Variants in GCN1 observed in about 807,000 individuals in gnomAD.
GCN1 encodes GCN1 activator of EIF2AK4.
GCN1 carries 90 observed loss-of-function variants against 288.4 expected under a neutral mutation model. The ratio of observed to expected loss-of-function variants is 0.31; its 90% CI spans 0.26 to 0.37. The LOEUF (loss-of-function observed/expected upper bound fraction) is 0.37, where lower values mean the gene tolerates loss of function less well. Among genes scored for constraint, GCN1 ranks in the 10% least tolerant of loss-of-function variants. GCN1 has a pLI of 1.00. For missense variants in GCN1, 2,586 were observed against 3,419.9 expected, an observed-to-expected ratio of 0.76 and a Z score of 6.08; for synonymous variants, 1,386 against 1,420.2, an observed-to-expected ratio of 0.98 and a Z score of 0.54.
At chr12:120,141,078 AGAG>A (rs1877176110) in intron 44 of GCN1, 55 bp from the exon 45 acceptor site, 3 of 1,491,688 alleles carry the variant, frequency 2.0e-6, no homozygotes, top group African/African-American at 1.4e-5. Flanking sequence ...CAGGGCACCC[AGAG>A]GAGGACTCCA....
chr12:120,154,949 G>A (rs200134728), intron 31 of GCN1, 21 bp downstream of exon 31: 9 of 1,598,220 alleles, frequency 5.6e-6, no homozygotes, highest in East Asian at 2.2e-5. Context: ...GGAGTAGAAC[G>A]AGGCTGAACA....
At chr12:120,169,629 G>A (rs1220698814) in intron 15 of GCN1, among the ~76,000 whole-genome samples, 2 of 152,002 alleles carry the variant, frequency 1.3e-5, no homozygotes, top group African/African-American at 2.4e-5. Context: ...TCAGCCTCCC[G>A]AGTAGCTGAG....
rs2139113719 is a variant in GCN1, at chr12:120,160,268, G to A, written c.2437-13C>T. The A allele has an allele frequency of 2.5e-6, 4 of 1,577,690 alleles. No homozygotes were observed. The East Asian group carries it at 9.0e-5, about 35-fold the overall frequency. On this transcript the variant is annotated splice_polypyrimidine_tract_variant and intron_variant, in intron 22 of 57. Coordinates refer to ENST00000300648, the MANE Select transcript of GCN1 (RefSeq NM_006836.2). Reference sequence around the variant, plus strand: ...TCTTCTTTATCTCCTAAAGAGGATGGGCAAACCAACCAATCCCATCTCCAG... The same window carrying A: ...TCTTCTTTATCTCCTAAAGAGGATGAGCAAACCAACCAATCCCATCTCCAG...
Position 120,153,479 on chromosome 12 carries a change from T to G in GCN1, c.3868-72A>C. ...CATCTGGGGACAACAGTCCCTGCCCTGAGGACCAAGACCAAGTCTAGCTCT... is the reference window on the plus strand; with the variant it reads ...CATCTGGGGACAACAGTCCCTGCCCGGAGGACCAAGACCAAGTCTAGCTCT... On this transcript the variant is annotated intron_variant, in intron 32 of 57. Transcript: ENST00000300648. This position sits in a 1 kb window ranked among gnomAD's most constrained non-coding sequence, Gnocchi z 4.4. The G allele has an allele frequency of 7.3e-7, 1 of 1,372,302 alleles. No homozygotes were observed. The highest frequency in any genetic ancestry group is 1.4e-5 in the African/African-American group (1 of 70,338). The allele number at this position is 1,372,302 out of a possible 1,614,324, so 85.0% of individuals were successfully genotyped here. A position where few individuals can be genotyped will look rare whatever the true frequency, so the allele number is the denominator to read the frequency against.
Position 120,137,744 on chromosome 12 carries a change from T to A in GCN1, c.6464A>T (p.Asp2155Val), listed in dbSNP as rs1255577489. 2.5e-6 allele frequency: 4 copies of A among 1,614,072 alleles called. No homozygotes were observed. Among genetic ancestry groups the A allele is most frequent in the Non-Finnish European group, 2.5e-6 (3 of 1,179,970 alleles). Residue 2155 changes from aspartate (D) to valine (V), a missense_variant, in exon 49 of 58, where the codon GAT becomes GTT. Transcript: ENST00000300648. This position sits in a 1 kb window ranked among gnomAD's most constrained non-coding sequence, Gnocchi z 5.2. ...AGGGCTGCGGGTGGCCTCCAGCAGA[T>A]CCTCGATGATGATCCGGTGCCCTGT... ...DDTGHRIIIEDLLEATRSPEV... is the reference protein window; with the variant it reads ...DDTGHRIIIEVLLEATRSPEV...
chr12:120,131,837 CCT>C (rs1297830558), intron 54 of GCN1, 87 bp downstream of exon 54: 1 of 811,078 alleles, frequency 1.2e-6, no homozygotes, highest in Non-Finnish European at 2.1e-6. Flanking sequence ...GCTAAAAGAT[CCT>C]CTGAGGGAGG....
rs1877745183 is a variant in GCN1 at position 120,156,332 on chromosome 12, G to A, written c.3312+129C>T. On this transcript the variant is annotated intron_variant, in intron 28 of 57. Transcript: ENST00000300648. The surrounding 1 kb of genome is among the most constrained non-coding windows in gnomAD (Gnocchi z 5.8). The stretch of plus-strand genomic sequence containing the variant: ...TGATTCTCAGAGAGACCCCAACCAT[G>A]TGACTTCTTCTCTTTGCCTCTAGGC... 2 of 837,372 alleles carry A rather than the reference G, an allele frequency of 2.4e-6. No homozygotes were observed. The highest frequency in any genetic ancestry group is 2.6e-5 in the East Asian group (1 of 38,910). 51.9% of individuals were successfully genotyped at this position (837,372 alleles called of 1,614,324 possible). A position where few individuals can be genotyped will look rare whatever the true frequency, so the allele number is the denominator to read the frequency against.
rs1041016113 is a variant in GCN1 at position 120,142,254 on chromosome 12, A to G, written c.5829+253T>C. ...GGCAGGAGAATGGCATGAACCTAGG[A>G]GGCGGAGCTTGCAGTGAGCTGAGAT... On this transcript the variant is annotated intron_variant, in intron 44 of 57. Coordinates refer to ENST00000300648, the MANE Select transcript of GCN1 (RefSeq NM_006836.2). The surrounding 1 kb of genome is among the most constrained non-coding windows in gnomAD (Gnocchi z 4.9). 7.2e-5 allele frequency among the ~76,000 whole-genome samples: 11 copies of G among 152,184 alleles called. No homozygotes were observed. The highest frequency in any genetic ancestry group is 2.7e-4 in the African/African-American group (11 of 41,450).
intron 2 of GCN1, among the ~76,000 whole-genome samples, chr12:120,186,943 G>C (rs1307818553): frequency 6.6e-6 from 1 of 152,234 alleles, no homozygotes; most frequent in Non-Finnish European, 1.5e-5. Flanking sequence ...TGACTGGAAA[G>C]ATCGGTATCA....
chr12:120,152,964 C>T (rs912008230), intron 33 of GCN1, among the ~76,000 whole-genome samples: 6 of 151,614 alleles, frequency 4.0e-5, no homozygotes, highest in African/African-American at 1.5e-4. Context: ...TCACTATAAA[C>T]CAGGTGAGTA....
intron 38 of GCN1, 95 bp downstream of exon 38, chr12:120,146,957 T>C (rs1275176149): frequency 1.5e-6 from 1 of 677,768 alleles, no homozygotes; most frequent in Non-Finnish European, 2.3e-6. Context: ...CTAACGTCCA[T>C]AACTTTCCAT....
intron 45 of GCN1, 176 bp from the exon 46 acceptor site, chr12:120,139,032 G>T (rs757372265): frequency 2.3e-5 from 12 of 516,254 alleles, no homozygotes; most frequent in Non-Finnish European, 3.7e-5. Context: ...AGAAGGGGCC[G>T]GGCACGGTGG....
Position 120,129,406 on chromosome 12 carries a change from G to A in GCN1, c.7760C>T (p.Pro2587Leu). The A allele has an allele frequency of 2.5e-6, 4 of 1,613,750 alleles. No homozygotes were observed. The highest frequency in any genetic ancestry group is 1.7e-4 in the Middle Eastern group (1 of 6,060). Reference protein sequence around the residue: ...ANKDPLPPLDPQAIKPILKAL... With the variant: ...ANKDPLPPLDLQAIKPILKAL... ...CTTCAGGATGGGCTTGATGGCCTGG[G>A]GGTCCAGGGGAGGCAGTGGGTCCTT... The change falls in exon 57 of 58, where the codon CCC (proline) becomes CTC (leucine). Residue 2587 changes from proline to leucine, a missense_variant. Physicochemically the swap from Pro to Leu is moderately conservative, Grantham distance 98. Coordinates refer to ENST00000300648, the MANE Select transcript of GCN1 (RefSeq NM_006836.2).
intron 1 of GCN1, among the ~76,000 whole-genome samples, chr12:120,191,607 T>TA (rs1879006439): frequency 6.6e-6 from 1 of 152,224 alleles, no homozygotes; most frequent in Non-Finnish European, 1.5e-5. Flanking sequence ...TTTTCGTGCT[T>TA]AAATCCCTGC....
intron 47 of GCN1, 62 bp downstream of exon 47, chr12:120,138,261 G>T: frequency 8.9e-7 from 1 of 1,117,866 alleles, no homozygotes. Flanking sequence ...GGTCTTCACT[G>T]CAGGCCCTGG....
At position 120,151,150 on chromosome 12, in the gene GCN1, C is replaced by T; in HGVS notation, c.4304G>A (p.Arg1435Gln). 1 of 1,613,050 alleles carries T rather than the reference C, an allele frequency of 6.2e-7. No homozygotes were observed. The highest frequency in any genetic ancestry group is 8.5e-7 in the Non-Finnish European group (1 of 1,179,872). ...AIQDKKNFRR[R>Q]EGALFAFEML... The stretch of plus-strand genomic sequence containing the variant: ...CCAAGCTCAGAGATGCTCACCCTCT[C>T]GCCGGCGGAAGTTCTTCTTATCTTG... Residue 1435 changes from arginine (R) to glutamine (Q), a missense_variant, in exon 34 of 58, where the codon CGA becomes CAA. By Grantham distance (43) the Arg-to-Gln change is conservative. Around this residue, in one of 8 missense-constraint regions of GCN1, gnomAD observed 371 missense variants for 572.6 expected, o/e 0.65. Coordinates refer to ENST00000300648, the MANE Select transcript of GCN1 (RefSeq NM_006836.2).
chr12:120,144,931 G>A lies in GCN1; in HGVS notation c.5147C>T (p.Ala1716Val). ...YEQSSVDRSGAAQGLAEVMAG... is the reference protein window; with the variant it reads ...YEQSSVDRSGVAQGLAEVMAG... ...ACCTGCTCTGGCCTTACCCTGTGCA[G>A]CGCCTGAGCGATCCACAGAGCTCTG... Residue 1716 changes from alanine to valine, a missense_variant, in exon 40 of 58, where the codon GCT becomes GTT. This residue lies in a region of GCN1 where 371 missense variants were observed against 572.6 expected (regional missense o/e 0.65). Transcript: ENST00000300648. This position sits in a 1 kb window ranked among gnomAD's most constrained non-coding sequence, Gnocchi z 4.7. 1 of 1,614,178 alleles carries A rather than the reference G, an allele frequency of 6.2e-7. No individual in the cohort carries two copies. The highest frequency in any genetic ancestry group is 8.5e-7 in the Non-Finnish European group (1 of 1,180,022).
In GCN1 at chr12:120,153,819, G is replaced by C; in HGVS notation, c.3792C>G (p.Ala1264=). The C allele has an allele frequency of 1.9e-6, 3 of 1,614,060 alleles. No homozygotes were observed. The highest frequency in any genetic ancestry group is 2.2e-5 in the South Asian group (2 of 91,084). ...KPLFQFFVPD[A]LNDRHPDVRK... is the part of the protein sequence containing the mutation. ...GGACATCTGGGTGTCGGTCATTGAG[G>C]GCATCAGGGACAAAAAACTGAAAGA... The change falls in exon 32 of 58, where the codon GCC becomes GCG. Residue 1264 remains alanine, a synonymous_variant. Coordinates refer to ENST00000300648, the MANE Select transcript of GCN1 (RefSeq NM_006836.2). The surrounding 1 kb of genome is among the most constrained non-coding windows in gnomAD (Gnocchi z 4.4).
chr12:120,153,062 C>A lies in GCN1; in HGVS notation c.4062+151G>T. 2 of 637,654 alleles carry A rather than the reference C, an allele frequency of 3.1e-6. No individual in the cohort carries two copies. Among genetic ancestry groups the A allele is most frequent in the South Asian group, 2.0e-5 (1 of 50,868 alleles). The allele number at this position is 637,654 out of a possible 1,614,324, so 39.5% of individuals were successfully genotyped here. ...GGAGTGTTCCTGACTATAAACCAGG[C>A]TCTCCCCTGCGAGAGGGGGTGAATC... is the stretch of plus-strand genomic sequence containing the variant. On this transcript the variant is annotated intron_variant, in intron 33 of 57. Coordinates refer to ENST00000300648, the MANE Select transcript of GCN1 (RefSeq NM_006836.2). The surrounding 1 kb of genome is among the most constrained non-coding windows in gnomAD (Gnocchi z 4.4).
Sources: gnomAD v4.1 joint callset for allele counts (sites outside exome capture counted in the v4.1 genomes callset) on GRCh38, gnomAD v4.1.1 for gene constraint, gnomAD v4.1.1 regional missense constraint, Gnocchi (gnomAD v3.1) non-coding constraint, MANE v1.5 for transcripts, NCBI Gene and HGNC (gene_info 2026-07-23, HGNC 2026-07-21) for gene names.